Variants in DEUP1 observed in about 807,000 individuals in gnomAD.
The protein encoded by DEUP1 is deuterosome assembly protein 1, also known as coiled-coil domain containing 67.
In DEUP1, 82 loss-of-function variants were observed where a neutral mutation model predicts 87.4. The ratio of observed to expected loss-of-function variants is 0.94; its 90% CI spans 0.78 to 1.13. The LOEUF is 1.13. DEUP1 is among the 50% of genes most tolerant of loss of function. The probability of loss-of-function intolerance (pLI) is 0.00; values close to 1 mark genes in which losing one functional copy is unlikely to be tolerated. For missense variants in DEUP1, 663 were observed against 681.5 expected (o/e 0.97, Z 0.30); for synonymous variants, 214 against 222.7 (o/e 0.96, Z 0.35).
At position 93,437,739 on chromosome 11, in the gene DEUP1, T is replaced by TGGGGGGGGGGGGGGGGGGGGGGGG; in HGVS notation, c.*21_*22insGGGGGGGGGGGGGGGGGGGGGGGG. On this transcript the variant is annotated 3_prime_UTR_variant, in exon 14 of 14. Transcript: ENST00000298050. ...ATATGAGCTTTTAAACTTTTTTATT[T>TGGGGGGGGGGGGGGGGGGGGGGGG]GCTTCCCCCCCCCACCCCCGCCAAG... 1 of 1,305,242 alleles carries TGGGGGGGGGGGGGGGGGGGGGGGG rather than the reference T, an allele frequency of 7.7e-7. No homozygotes were observed. Among genetic ancestry groups the TGGGGGGGGGGGGGGGGGGGGGGGG allele is most frequent in the Non-Finnish European group, 1.0e-6 (1 of 952,882 alleles). The allele number at this position is 1,305,242 out of a possible 1,614,324, so 80.9% of individuals were successfully genotyped here.
intron 12 of DEUP1, among the ~76,000 whole-genome samples, chr11:93,414,497 G>A (rs1055488279): frequency 4.0e-5 from 6 of 151,854 alleles, no homozygotes; most frequent in Non-Finnish European, 7.4e-5. Context: ...ACAGAGCAAG[G>A]CTCTGTCTCA....
At chr11:93,388,643 C>T (rs926670492) in intron 8 of DEUP1, among the ~76,000 whole-genome samples, 1 of 152,154 alleles carries the variant, frequency 6.6e-6, no homozygotes, top group Admixed American at 6.5e-5. Context: ...TAGTTCCTTT[C>T]CACAATACAT....
At chr11:93,345,085 C>T (rs1449650983) in intron 2 of DEUP1, among the ~76,000 whole-genome samples, 1 of 152,136 alleles carries the variant, frequency 6.6e-6, no homozygotes, top group East Asian at 1.9e-4. Context: ...ATTCAGCTCC[C>T]ACTTATAAGT....
intron 7 of DEUP1, among the ~76,000 whole-genome samples, chr11:93,382,572 C>T (rs1037136861): frequency 2.0e-5 from 3 of 152,146 alleles, no homozygotes; most frequent in Admixed American, 1.3e-4. Flanking sequence ...TTTCAGCTAA[C>T]CCTAGCCTGT....
chr11:93,342,057 T>C lies in DEUP1; in HGVS notation c.29+9769T>C, dbSNP rs183967594. On this transcript the variant is annotated intron_variant, in intron 2 of 13. Coordinates refer to ENST00000298050, the MANE Select transcript of DEUP1 (RefSeq NM_181645.4). Reference sequence around the variant, plus strand: ...ATCTCCCACTGCCATCTCAAGATTCTTAACTTACGTGAACCTCTCCATATC... The same window carrying C: ...ATCTCCCACTGCCATCTCAAGATTCCTAACTTACGTGAACCTCTCCATATC... Among the ~76,000 whole-genome samples, 16 of 152,346 alleles carry C rather than the reference T, an allele frequency of 1.1e-4. No homozygotes were observed. In the East Asian group the frequency reaches 3.1e-3, roughly 29 times the overall value.
intron 5 of DEUP1, among the ~76,000 whole-genome samples, chr11:93,369,090 C>A (rs1372682817): frequency 6.6e-6 from 1 of 152,068 alleles, no homozygotes. Context: ...CTGGTGAGGG[C>A]CCTTCTCCTG....
At chr11:93,348,007 C>T (rs536597498) in intron 2 of DEUP1, among the ~76,000 whole-genome samples, 7 of 152,184 alleles carry the variant, frequency 4.6e-5, no homozygotes, top group South Asian at 2.1e-4. Context: ...CCCAAAGCGC[C>T]GGGATTACAG....
chr11:93,419,894 A>G (rs1351345842), intron 13 of DEUP1, among the ~76,000 whole-genome samples: 1 of 148,832 alleles, frequency 6.7e-6, no homozygotes, highest in Non-Finnish European at 1.5e-5. Context: ...TAAAAAAAAA[A>G]CAGGCTCTGA....
At chr11:93,418,351 C>T (rs1407830709) in intron 13 of DEUP1, among the ~76,000 whole-genome samples, 1 of 151,780 alleles carries the variant, frequency 6.6e-6, no homozygotes, top group Non-Finnish European at 1.5e-5. Context: ...AACAAACAAC[C>T]CCATCAAAAA....
At chr11:93,391,707 C>CAAAAA (rs57417014) in intron 9 of DEUP1, among the ~76,000 whole-genome samples, 1 of 78,146 alleles carries the variant, frequency 1.3e-5, no homozygotes, top group Non-Finnish European at 2.8e-5. Flanking sequence ...GACTCCATCT[C>CAAAAA]AAAAAAAAAA....
chr11:93,410,569 A>G (rs759034926), intron 12 of DEUP1, among the ~76,000 whole-genome samples: 5 of 152,214 alleles, frequency 3.3e-5, no homozygotes, highest in Non-Finnish European at 7.3e-5. Flanking sequence ...GAAGAACACT[A>G]TAAAGGGTCA....
At chr11:93,427,938 C>T (rs758178376) in intron 13 of DEUP1, among the ~76,000 whole-genome samples, 6 of 149,148 alleles carry the variant, frequency 4.0e-5, no homozygotes, top group Non-Finnish European at 8.9e-5. Context: ...CATCTCATGC[C>T]AGTTAGAATG....
At chr11:93,398,029 G>A (rs78420064) in intron 11 of DEUP1, among the ~76,000 whole-genome samples, 12,096 of 151,752 alleles carry the variant, frequency 0.08, 1,199 homozygotes, top group East Asian at 0.34. Context: ...TCATCTACCC[G>A]CATTATACCC....
Position 93,355,557 on chromosome 11 carries a change from T to C in DEUP1, c.201+15T>C. The C allele has an allele frequency of 2.5e-6, 4 of 1,594,394 alleles. No homozygotes were observed. The highest frequency in any genetic ancestry group is 3.4e-6 in the Non-Finnish European group (4 of 1,169,602). On this transcript the variant is annotated intron_variant, in intron 3 of 13. Transcript: ENST00000298050. The stretch of plus-strand genomic sequence containing the variant: ...AAGGTCAAGAGGTACTGAATACATA[T>C]GTTAACAAATTGCTAATTCATCAGA...
intron 2 of DEUP1, among the ~76,000 whole-genome samples, chr11:93,352,868 C>T (rs1944694675): frequency 6.6e-6 from 1 of 152,192 alleles, no homozygotes; most frequent in Non-Finnish European, 1.5e-5. Flanking sequence ...TCTTCCACAA[C>T]ACATGGGAAT....
intron 2 of DEUP1, among the ~76,000 whole-genome samples, chr11:93,340,024 G>T (rs1565290584): frequency 6.6e-6 from 1 of 152,102 alleles, no homozygotes; most frequent in Admixed American, 6.6e-5. Flanking sequence ...GCAAATTAGG[G>T]TTCCTATTTT....
At chr11:93,371,598 T>C (rs542712559) in intron 7 of DEUP1, among the ~76,000 whole-genome samples, 42 of 152,314 alleles carry the variant, frequency 2.8e-4, no homozygotes, top group African/African-American at 9.4e-4. Flanking sequence ...TCTCTTACCC[T>C]GTGTTTCTTT....
rs768369165 is a variant in DEUP1, at chr11:93,356,841, G to T, written c.202-107G>T. 1.4e-5 allele frequency: 10 copies of T among 710,016 alleles called. No homozygotes were observed. In the Admixed American group the frequency reaches 2.2e-4, roughly 16 times the overall value. The allele number at this position is 710,016 out of a possible 1,614,324, so 44.0% of individuals were successfully genotyped here. On this transcript the variant is annotated intron_variant, in intron 3 of 13. Coordinates refer to ENST00000298050, the MANE Select transcript of DEUP1 (RefSeq NM_181645.4). ...AAGTGCAGTACAAATATTTACTCTT[G>T]GTTTGGTACAGCCATTTTATTTGAA...
intron 2 of DEUP1, chr11:93,352,629 G>A: frequency 1.8e-6 from 1 of 568,450 alleles, no homozygotes; most frequent in Non-Finnish European, 3.1e-6. Context: ...AGACTGGGAA[G>A]AAAAAGAGGT....
Sources: gnomAD v4.1 joint callset for allele counts (sites outside exome capture counted in the v4.1 genomes callset) on GRCh38, gnomAD v4.1.1 for gene constraint, MANE v1.5 for transcripts, NCBI Gene and HGNC (gene_info 2026-07-23, HGNC 2026-07-21) for gene names.